HTT: variants seen among roughly 807,000 people sequenced by gnomAD.
HTT encodes the protein huntingtin, also known as huntington disease protein.
A neutral mutation model predicts 362.3 loss-of-function variants in HTT; 104 were observed. The ratio of observed to expected loss-of-function variants is 0.29; its 90% confidence interval spans 0.24 to 0.34. HTT has a LOEUF of 0.34. Among genes scored for constraint, HTT ranks in the 10% least tolerant of loss-of-function variants. The probability of loss-of-function intolerance (pLI) is 1.00; values close to 1 mark genes in which losing one functional copy is unlikely to be tolerated. For missense variants in HTT, 3,301 were observed against 3,928.6 expected, an observed-to-expected ratio of 0.84 and a Z score of 4.27; for synonymous variants, 1,577 against 1,548.7, an observed-to-expected ratio of 1.02 and a Z score of -0.43.
At chr4:3,147,878 G>A (rs1205924120) in intron 25 of HTT, 127 bp from the exon 26 acceptor site, 11 of 679,504 alleles carry the variant, frequency 1.6e-5, no homozygotes, top group Non-Finnish European at 2.5e-6. Flanking sequence ...TGGCTTATCA[G>A]TTGAATATCA....
intron 64 of HTT, 122 bp from the exon 65 acceptor site, chr4:3,238,325 G>T (rs564703160): frequency 7.9e-4 from 521 of 656,946 alleles, no homozygotes; most frequent in Non-Finnish European, 1.1e-3. Flanking sequence ...ACGGCCGAGG[G>T]TCCCTCCCAG....
At chr4:3,104,245 C>T (rs917877766) in intron 4 of HTT, among the ~76,000 whole-genome samples, 1 of 151,968 alleles carries the variant, frequency 6.6e-6, no homozygotes, top group Non-Finnish European at 1.5e-5. Flanking sequence ...GTGATCCGCC[C>T]GCCTCGGCCT....
intron 26 of HTT, among the ~76,000 whole-genome samples, chr4:3,149,392 GGTT>G (rs1188707507): frequency 1.3e-5 from 2 of 151,208 alleles, no homozygotes; most frequent in Non-Finnish European, 2.9e-5. Flanking sequence ...CTGCCTCCTG[GGTT>G]CAAACGATTC....
chr4:3,208,856 C>T lies in HTT; in HGVS notation c.6236C>T (p.Ser2079Phe). The T allele has an allele frequency of 6.2e-7, 1 of 1,614,148 alleles. No homozygotes were observed. The highest frequency in any genetic ancestry group is 8.5e-7 in the Non-Finnish European group (1 of 1,180,004). Residue 2079 changes from serine to phenylalanine, a missense_variant, in exon 46 of 67, where the codon TCC becomes TTC. Ser to Phe is a radical substitution (Grantham distance 155, BLOSUM62 -2). This residue lies in a region of HTT where 2,316 missense variants were observed against 2,658.5 expected (regional missense o/e 0.87). Coordinates refer to ENST00000355072, the MANE Select transcript of HTT (RefSeq NM_001388492.1). ...DSLSPSPPVS[S>F]HPLDGDGHVS... The stretch of plus-strand genomic sequence containing the variant: ...CTTAGTCCCTCTCCTCCAGTCTCTT[C>T]CCACCCGCTGGACGGGGATGGGCAC...
At chr4:3,118,283 A>G (rs1194816686) in intron 8 of HTT, among the ~76,000 whole-genome samples, 10 of 152,010 alleles carry the variant, frequency 6.6e-5, no homozygotes, top group Admixed American at 1.3e-4. Context: ...TATATGCTCA[A>G]TTTTTTTTAA....
intron 2 of HTT, among the ~76,000 whole-genome samples, chr4:3,098,894 G>A (rs527425906): frequency 1.3e-5 from 2 of 152,270 alleles, no homozygotes; most frequent in South Asian, 2.1e-4. Flanking sequence ...AGTATCTGAA[G>A]TTTTTAAACG....
intron 4 of HTT, among the ~76,000 whole-genome samples, chr4:3,104,826 C>T (rs529425800): frequency 2.0e-4 from 31 of 152,152 alleles, no homozygotes; most frequent in African/African-American, 7.5e-4. Flanking sequence ...ATTAATTGAG[C>T]CTGGAAGGTT....
At chr4:3,201,930 G>A (rs1356188275) in intron 41 of HTT, among the ~76,000 whole-genome samples, 1 of 152,158 alleles carries the variant, frequency 6.6e-6, no homozygotes, top group East Asian at 1.9e-4. Context: ...AATTCCTGCT[G>A]CTTACTCTTG....
Position 3,157,018 on chromosome 4 carries a change from C to T in HTT, c.3626-54C>T, listed in dbSNP as rs947936900. 21 of 1,463,228 alleles carry T rather than the reference C, an allele frequency of 1.4e-5. No homozygotes were observed. The Admixed American group carries it at 4.3e-4, about 30-fold the overall frequency. 90.6% of individuals were successfully genotyped at this position (1,463,228 alleles called of 1,614,324 possible). ...ATGATTTCCAGTAATCTCTTTAAAA[C>T]TTGGCAAGTTATTTTGATCTAAAAG... On this transcript the variant is annotated intron_variant, in intron 27 of 66. Coordinates refer to ENST00000355072, the MANE Select transcript of HTT (RefSeq NM_001388492.1).
intron 46 of HTT, 33 bp downstream of exon 46, chr4:3,208,944 A>G (rs1036465048): frequency 6.3e-7 from 1 of 1,587,200 alleles, no homozygotes; most frequent in South Asian, 1.1e-5. Context: ...TGGGAGGCAC[A>G]GGGCGCTGAG....
At chr4:3,083,275 G>A (rs1713011406) in intron 1 of HTT, among the ~76,000 whole-genome samples, 1 of 152,108 alleles carries the variant, frequency 6.6e-6, no homozygotes, top group South Asian at 2.1e-4. Context: ...AATACCAGTA[G>A]TTTGAGACGG....
chr4:3,217,775 T>C lies in HTT; in HGVS notation c.7065T>C (p.Tyr2355=), dbSNP rs1252768966. The change falls in exon 52 of 67, where the codon TAT becomes TAC. Residue 2355 remains tyrosine, a synonymous_variant. Coordinates refer to ENST00000355072, the MANE Select transcript of HTT (RefSeq NM_001388492.1). ...CCGTTGCTTGTTTAGATCCTAAGTA[T>C]ATCACTGCAGCCTGTGAGATGGTGG... ...EVDPNTQNPK[Y]ITAACEMVAE... is the part of the protein sequence containing the mutation. 1 of 1,613,350 alleles carries C rather than the reference T, an allele frequency of 6.2e-7. No homozygotes were observed. The highest frequency in any genetic ancestry group is 8.5e-7 in the Non-Finnish European group (1 of 1,179,658).
At chr4:3,225,258 C>G (rs1386516284) in intron 56 of HTT, among the ~76,000 whole-genome samples, 1 of 152,214 alleles carries the variant, frequency 6.6e-6, no homozygotes, top group African/African-American at 2.4e-5. Flanking sequence ...AGGCACTGTT[C>G]ACCAAAATGC....
Position 3,199,872 on chromosome 4 carries a change from T to C in HTT, c.5509T>C (p.Cys1837Arg). The change falls in exon 41 of 67, where the codon TGT becomes CGT. Residue 1837 changes from cysteine (C) to arginine (R), a missense_variant. Cys to Arg is a radical substitution (Grantham distance 180, BLOSUM62 -3). Transcript: ENST00000355072. The part of the protein sequence containing the change: ...TTHPALVLLW[C>R]QILLLVNHTD... Reference sequence around the variant, plus strand: ...CCACCCGGCCCTGGTGCTGCTCTGGTGTCAGATACTGCTGCTTGTCAACCA... The same window carrying C: ...CCACCCGGCCCTGGTGCTGCTCTGGCGTCAGATACTGCTGCTTGTCAACCA... 6.2e-7 allele frequency: 1 copy of C among 1,614,096 alleles called. No individual in the cohort carries two copies. The highest frequency in any genetic ancestry group is 1.1e-5 in the South Asian group (1 of 91,086).
intron 2 of HTT, among the ~76,000 whole-genome samples, chr4:3,092,725 G>A (rs1034534669): frequency 3.9e-5 from 6 of 152,182 alleles, no homozygotes; most frequent in African/African-American, 1.4e-4. Context: ...TTAACAATGT[G>A]TTAAAAAATT....
At chr4:3,157,001 C>T in intron 27 of HTT, 71 bp from the exon 28 acceptor site, 3 of 1,248,272 alleles carry the variant, frequency 2.4e-6, no homozygotes, top group South Asian at 1.5e-5. Context: ...TCATGATTTC[C>T]AGTAATCTCT....
chr4:3,150,662 G>A (rs973374257), intron 26 of HTT, among the ~76,000 whole-genome samples: 5 of 152,218 alleles, frequency 3.3e-5, no homozygotes, highest in African/African-American at 1.2e-4. Context: ...TTTGCGAGAA[G>A]AAAGTGTGTA....
Position 3,178,394 on chromosome 4 carries a change from C to T in HTT, c.4560C>T (p.Ile1520=). The T allele has an allele frequency of 6.2e-7, 1 of 1,613,606 alleles. No individual in the cohort carries two copies. Among genetic ancestry groups the T allele is most frequent in the Non-Finnish European group, 8.5e-7 (1 of 1,179,528 alleles). The part of the protein sequence containing the change: ...HSKQIIGIPK[I]IQLCDGIMAS... Reference sequence around the variant, plus strand: ...AACAGATCATTGGAATTCCTAAAATCATTCAGCTCTGTGATGGCATCATGG... The same window carrying T: ...AACAGATCATTGGAATTCCTAAAATTATTCAGCTCTGTGATGGCATCATGG... The change falls in exon 35 of 67, where the codon ATC becomes ATT. Residue 1520 remains isoleucine, a synonymous_variant. Transcript: ENST00000355072.
intron 6 of HTT, among the ~76,000 whole-genome samples, chr4:3,109,108 C>G (rs780050914): frequency 1.1e-4 from 17 of 151,742 alleles, no homozygotes; most frequent in Admixed American, 5.3e-4. Flanking sequence ...GTAGTACCAA[C>G]AGGATTATAA....
Sources: gnomAD v4.1 joint callset for allele counts (sites outside exome capture counted in the v4.1 genomes callset) on GRCh38, gnomAD v4.1.1 for gene constraint, gnomAD v4.1.1 regional missense constraint, MANE v1.5 for transcripts, NCBI Gene and HGNC (gene_info 2026-07-23, HGNC 2026-07-21) for gene names.